RAD51B: variants seen among roughly 807,000 people sequenced by gnomAD.
The protein encoded by RAD51B is DNA repair protein RAD51 homolog 2.
RAD51B carries 38 observed loss-of-function variants against 42.2 expected under a neutral mutation model. The ratio of observed to expected loss-of-function variants is 0.90; its 90% CI spans 0.70 to 1.18. RAD51B has a LOEUF of 1.18. Ranked by LOEUF, RAD51B falls within the 50% of genes most tolerant of loss-of-function variation. RAD51B has a pLI of 0.00. For synonymous variants in RAD51B, 154 were observed against 145.2 expected (o/e 1.06, Z -0.43); for missense variants, 373 against 400.7 (o/e 0.93, Z 0.59).
chr14:68,599,164 CAG>C (rs1491170042), downstream of RAD51B, among the ~76,000 whole-genome samples: 1 of 152,178 alleles, frequency 6.6e-6, no homozygotes, highest in Non-Finnish European at 1.5e-5. Flanking sequence ...TCTTTGAACA[CAG>C]GGGGCTGCCA....
intron 10 of RAD51B, among the ~76,000 whole-genome samples, chr14:68,625,136 C>T (rs1892047483): frequency 6.6e-6 from 1 of 152,146 alleles, no homozygotes; most frequent in Admixed American, 6.5e-5. Flanking sequence ...ACTCATACCA[C>T]CTTATAGCAT....
At chr14:68,594,031 G>C (rs1890873826) in intron 10 of RAD51B, among the ~76,000 whole-genome samples, 2 of 152,180 alleles carry the variant, frequency 1.3e-5, no homozygotes, top group South Asian at 4.1e-4. Flanking sequence ...TGTCAGGCTG[G>C]GCAGGGGTGT....
At chr14:68,053,808 CTT>C (rs1449480662) in intron 7 of RAD51B, among the ~76,000 whole-genome samples, 1 of 152,158 alleles carries the variant, frequency 6.6e-6, no homozygotes, top group Admixed American at 6.5e-5. Context: ...ACTTGAAATT[CTT>C]TGTTTCCTCT....
At chr14:68,608,559 G>A (rs1798027075) in intron 10 of RAD51B, among the ~76,000 whole-genome samples, 1 of 152,212 alleles carries the variant, frequency 6.6e-6, no homozygotes, top group Non-Finnish European at 1.5e-5. Context: ...GCAGCTGCAG[G>A]TAGCTGGCGG....
rs141741325 is a variant in RAD51B, at chr14:68,197,919, C to T, written c.757-93965C>T. Among the ~76,000 whole-genome samples the T allele has an allele frequency of 3.3e-3, 502 of 152,168 alleles. 2 individuals are homozygous for T. Among genetic ancestry groups the T allele is most frequent in the African/African-American group, 0.011 (476 of 41,502 alleles). On this transcript the variant is annotated intron_variant, in intron 7 of 10. Coordinates refer to ENST00000471583, the MANE Select transcript of RAD51B (RefSeq NM_133510.4). ...GATATATGTACTATAACTATGTCCT[C>T]GCAGTCCGTGGCTTGTCATTTTACC...
At chr14:68,622,921 A>G (rs903090041) in intron 10 of RAD51B, among the ~76,000 whole-genome samples, 1 of 151,992 alleles carries the variant, frequency 6.6e-6, no homozygotes, top group Non-Finnish European at 1.5e-5. Context: ...ACCATGGAGA[A>G]CTCTGTAAAT....
At chr14:68,498,733 T>C (rs535971126) in intron 10 of RAD51B, among the ~76,000 whole-genome samples, 3 of 152,194 alleles carry the variant, frequency 2.0e-5, no homozygotes, top group Non-Finnish European at 4.4e-5. Flanking sequence ...AACACTGGCT[T>C]TTTTCTTAAA....
intron 7 of RAD51B, among the ~76,000 whole-genome samples, chr14:68,175,112 T>C (rs1324029073): frequency 6.6e-6 from 1 of 152,214 alleles, no homozygotes; most frequent in Non-Finnish European, 1.5e-5. Context: ...ATGATCTTTT[T>C]ATAATACTGA....
At chr14:68,618,673 G>T (rs184883666) in intron 10 of RAD51B, among the ~76,000 whole-genome samples, 137 of 152,164 alleles carry the variant, frequency 9.0e-4, no homozygotes, top group Admixed American at 1.3e-3. Context: ...ACCATCTACT[G>T]CCCAGTAATT....
At chr14:68,377,415 T>C (rs1273552114) in intron 8 of RAD51B, among the ~76,000 whole-genome samples, 3 of 152,218 alleles carry the variant, frequency 2.0e-5, no homozygotes, top group African/African-American at 7.2e-5. Context: ...CTTCCTACTT[T>C]CTGCTCAAAC....
At chr14:67,978,569 G>T (rs982444333) in intron 7 of RAD51B, among the ~76,000 whole-genome samples, 4 of 152,176 alleles carry the variant, frequency 2.6e-5, no homozygotes, top group African/African-American at 7.2e-5. Context: ...AAGAAGTAAA[G>T]AAGTGGGAGA....
At chr14:68,254,309 G>T (rs1281474456) in intron 7 of RAD51B, among the ~76,000 whole-genome samples, 1 of 152,172 alleles carries the variant, frequency 6.6e-6, no homozygotes, top group African/African-American at 2.4e-5. Flanking sequence ...AGGGTGGGAG[G>T]TTCTTGTCCT....
intron 1 of RAD51B, 53 bp from the exon 2 acceptor site, chr14:67,823,489 G>A (rs1340532930): frequency 1.3e-6 from 2 of 1,506,568 alleles, no homozygotes; most frequent in African/African-American, 1.4e-5. Context: ...TATCACTTAT[G>A]TTATATTCTG....
chr14:68,096,051 G>A (rs952855379), intron 7 of RAD51B, among the ~76,000 whole-genome samples: 2 of 150,668 alleles, frequency 1.3e-5, no homozygotes, highest in African/African-American at 4.9e-5. Flanking sequence ...GTAATAAGTA[G>A]CAGAACCAGA....
intron 1 of RAD51B, 48 bp from the exon 2 acceptor site, chr14:67,823,494 A>G (rs1318838587): frequency 6.5e-7 from 1 of 1,532,504 alleles, no homozygotes; most frequent in Non-Finnish European, 9.0e-7. Flanking sequence ...CTTATGTTAT[A>G]TTCTGTTGTT....
At chr14:68,096,389 G>T (rs2077194905) in intron 7 of RAD51B, among the ~76,000 whole-genome samples, 1 of 152,106 alleles carries the variant, frequency 6.6e-6, no homozygotes, top group Non-Finnish European at 1.5e-5. Context: ...CATTTTTCTG[G>T]ATTGTCTGCA....
At chr14:67,989,128 C>T (rs1452112288) in intron 7 of RAD51B, among the ~76,000 whole-genome samples, 2 of 152,148 alleles carry the variant, frequency 1.3e-5, no homozygotes, top group African/African-American at 2.4e-5. Context: ...TGCTTTACTA[C>T]AGGTAAATCA....
At chr14:68,566,332 A>C (rs1416941959) in intron 10 of RAD51B, among the ~76,000 whole-genome samples, 1 of 152,212 alleles carries the variant, frequency 6.6e-6, no homozygotes, top group East Asian at 1.9e-4. Flanking sequence ...TGGAGAATTA[A>C]TAAGAAGGTG....
chr14:68,269,772 A>G (rs1387500363), intron 7 of RAD51B, among the ~76,000 whole-genome samples: 2 of 152,192 alleles, frequency 1.3e-5, no homozygotes, highest in Admixed American at 6.5e-5. Flanking sequence ...CAGTAAACAC[A>G]TGTGGACTCA....
Sources: gnomAD v4.1 joint callset for allele counts (sites outside exome capture counted in the v4.1 genomes callset) on GRCh38, gnomAD v4.1.1 for gene constraint, MANE v1.5 for transcripts, NCBI Gene and HGNC (gene_info 2026-07-23, HGNC 2026-07-21) for gene names.